The following CNTRL variants were observed in gnomAD, a reference collection of about 807,000 sequenced individuals.
CNTRL encodes centriolin.
Under a neutral mutation model 303.7 loss-of-function variants are expected in CNTRL, and 233 were observed. The observed-to-expected ratio is 0.77, with a 90% CI of 0.69 to 0.86. The LOEUF (loss-of-function observed/expected upper bound fraction) is 0.86. Ranked by LOEUF, CNTRL falls within the 40% of genes least tolerant of loss-of-function variation. The pLI is 0.00. For synonymous variants in CNTRL, 900 were observed against 922.2 expected, an observed-to-expected ratio of 0.98 and a Z score of 0.44; for missense variants, 2,524 against 2,650.6, an observed-to-expected ratio of 0.95 and a Z score of 1.05.
chr9:121,158,001 A>G lies in CNTRL; in HGVS notation c.4656A>G (p.Lys1552=). The part of the protein sequence containing the change: ...KLTEELQKLQ[K]DIEMAERNED... ...TTTGTAGGCTTCAGAAACTACAGAA[A>G]GACATAGAGATGGCAGAACGCAATG... Residue 1552 remains lysine (K), a synonymous_variant, in exon 30 of 44, where the codon AAA becomes AAG. Transcript: ENST00000373855. The G allele has an allele frequency of 6.2e-7, 1 of 1,614,154 alleles. No homozygotes were observed. Among genetic ancestry groups the G allele is most frequent in the South Asian group, 1.1e-5 (1 of 91,076 alleles).
chr9:121,176,047 T>C (rs1010423125), intron 43 of CNTRL, among the ~76,000 whole-genome samples: 2 of 152,262 alleles, frequency 1.3e-5, no homozygotes, highest in Non-Finnish European at 2.9e-5. Flanking sequence ...ATGGAACTGG[T>C]AAGTAGTAGC....
At chr9:121,115,006 A>G in intron 10 of CNTRL, 85 bp from the exon 11 acceptor site, 1 of 814,606 alleles carries the variant, frequency 1.2e-6, no homozygotes, top group South Asian at 1.8e-5. Flanking sequence ...GAAGGTTATT[A>G]CAAAGAAAGA....
intron 29 of CNTRL, 49 bp from the exon 30 acceptor site, chr9:121,157,934 G>C: frequency 6.2e-7 from 1 of 1,613,744 alleles, no homozygotes; most frequent in Admixed American, 1.7e-5. Context: ...GACAGCTCTG[G>C]GGTTCCGAGT....
Position 121,164,998 on chromosome 9 carries a change from T to C in CNTRL, c.5479T>C (p.Leu1827=), listed in dbSNP as rs1474183179. ...AATGGAGCAATCAAACTTAGAAAAG[T>C]TGGAATTGAATGTCAGAAAACTGCA... ...SKMEQSNLEK[L]ELNVRKLQQE... is the part of the protein sequence containing the mutation. Residue 1827 remains leucine (L), a synonymous_variant, in exon 35 of 44, where the codon TTG becomes CTG. Transcript: ENST00000373855. The C allele has an allele frequency of 1.9e-6, 3 of 1,612,274 alleles. No individual in the cohort carries two copies. The highest frequency in any genetic ancestry group is 2.5e-6 in the Non-Finnish European group (3 of 1,179,480).
intron 17 of CNTRL, among the ~76,000 whole-genome samples, 182 bp downstream of exon 17, chr9:121,140,968 C>T (rs141216274): frequency 2.6e-5 from 4 of 152,210 alleles, no homozygotes; most frequent in African/African-American, 9.6e-5. Context: ...TTGTCTGCCA[C>T]TGATTGTTTT....
rs138164855 is a variant in CNTRL, at chr9:121,129,275, A to G, written c.2025+3339A>G. 1.5e-3 allele frequency among the ~76,000 whole-genome samples: 231 copies of G among 152,312 alleles called. 1 individual carries two copies. Among genetic ancestry groups the G allele is most frequent in the Non-Finnish European group, 2.7e-3 (186 of 68,030 alleles). On this transcript the variant is annotated intron_variant, in intron 14 of 43. Coordinates refer to ENST00000373855, the MANE Select transcript of CNTRL (RefSeq NM_007018.6). ...GTATTGATTCTTCCTACCCATGAGC[A>G]TGGAATGTTCTTCCATTTGTTTGTG...
intron 4 of CNTRL, among the ~76,000 whole-genome samples, chr9:121,090,645 C>A (rs997199611): frequency 2.7e-4 from 41 of 152,210 alleles, no homozygotes; most frequent in African/African-American, 9.9e-4. Context: ...CAGGCCAGAT[C>A]AGGCCAGCTA....
intron 7 of CNTRL, among the ~76,000 whole-genome samples, chr9:121,099,597 TAAC>T (rs2049047460): frequency 6.6e-6 from 1 of 152,030 alleles, no homozygotes. Flanking sequence ...AGATCGGTAA[TAAC>T]AAACTTCTCC....
chr9:121,175,748 T>G (rs771639222), intron 43 of CNTRL, among the ~76,000 whole-genome samples: 2 of 152,224 alleles, frequency 1.3e-5, no homozygotes, highest in Non-Finnish European at 1.5e-5. Context: ...GGAAACAGAC[T>G]ACGACTGCAG....
intron 16 of CNTRL, among the ~76,000 whole-genome samples, chr9:121,139,626 A>G (rs1026819766): frequency 6.6e-6 from 1 of 152,200 alleles, no homozygotes; most frequent in African/African-American, 2.4e-5. Context: ...GTGTGTGTGT[A>G]TGTTGGGTCT....
At chr9:121,161,261 GC>G (rs1202018988) in intron 32 of CNTRL, 1 of 444,718 alleles carries the variant, frequency 2.2e-6, no homozygotes, top group Admixed American at 4.3e-5. Flanking sequence ...TTTCTCTTAT[GC>G]TTTTTTTTTG....
intron 27 of CNTRL, among the ~76,000 whole-genome samples, chr9:121,155,819 T>C (rs1408465798): frequency 6.6e-6 from 1 of 152,202 alleles, no homozygotes; most frequent in African/African-American, 2.4e-5. Context: ...CAGAGTCACA[T>C]AGCCAAGGGC....
rs1310301245 is a variant in CNTRL at position 121,173,260 on chromosome 9, T to C, written c.6435T>C (p.Asp2145=). 1 of 1,610,212 alleles carries C rather than the reference T, an allele frequency of 6.2e-7. No individual in the cohort carries two copies. Among genetic ancestry groups the C allele is most frequent in the Non-Finnish European group, 8.5e-7 (1 of 1,177,972 alleles). ...ELKKQMANQK[D]LERRQMEISD... ...CTGTTTAGATGGCAAACCAAAAAGA[T>C]TTGGAGAGAAGACAAATGGAAATCA... The change falls in exon 41 of 44, where the codon GAT becomes GAC. Residue 2145 remains aspartate (D), a synonymous_variant. Transcript: ENST00000373855.
chr9:121,127,818 C>T (rs1223560115), intron 14 of CNTRL, among the ~76,000 whole-genome samples: 4 of 130,208 alleles, frequency 3.1e-5, no homozygotes, highest in Admixed American at 1.6e-4. Context: ...CGACAGGCCC[C>T]GGTGTGTGAT....
chr9:121,157,461 C>A lies in CNTRL; in HGVS notation c.4366-9C>A, dbSNP rs191183253. 1 of 1,612,020 alleles carries A rather than the reference C, an allele frequency of 6.2e-7. No homozygotes were observed. Among genetic ancestry groups the A allele is most frequent in the African/African-American group, 1.3e-5 (1 of 74,806 alleles). On this transcript the variant is annotated splice_polypyrimidine_tract_variant and intron_variant, in intron 27 of 43. Coordinates refer to ENST00000373855, the MANE Select transcript of CNTRL (RefSeq NM_007018.6). Reference sequence around the variant, plus strand: ...ACTGAATGGCTTTTAATGACAGTTTCTTTTCTAGACAAAAAATGCTGTTGA... The same window carrying A: ...ACTGAATGGCTTTTAATGACAGTTTATTTTCTAGACAAAAAATGCTGTTGA...
chr9:121,156,604 T>C (rs1199748238), intron 27 of CNTRL, among the ~76,000 whole-genome samples: 1 of 152,218 alleles, frequency 6.6e-6, no homozygotes, highest in Non-Finnish European at 1.5e-5. Context: ...TACGGACTCC[T>C]CTGGCTTTAG....
At chr9:121,170,132 TGAA>T (rs1008447841) in intron 39 of CNTRL, among the ~76,000 whole-genome samples, 9 of 152,162 alleles carry the variant, frequency 5.9e-5, no homozygotes, top group Admixed American at 1.3e-4. Flanking sequence ...GAGGGGGTGT[TGAA>T]GAAGCCTTCT....
intron 14 of CNTRL, among the ~76,000 whole-genome samples, chr9:121,133,045 G>C (rs1207318433): frequency 6.6e-6 from 1 of 152,168 alleles, no homozygotes; most frequent in Non-Finnish European, 1.5e-5. Context: ...TGTATGATGT[G>C]TCAGTTGGCC....
intron 4 of CNTRL, among the ~76,000 whole-genome samples, chr9:121,091,924 T>TAAAAGA (rs2048592388): frequency 6.9e-6 from 1 of 144,578 alleles, no homozygotes; most frequent in African/African-American, 2.6e-5. Flanking sequence ...GGTCTCACTC[T>TAAAAGA]GTCATCTAGG....
Sources: allele counts gnomAD v4.1 joint callset (sites outside exome capture counted in the v4.1 genomes callset), GRCh38; gene constraint gnomAD v4.1.1; transcripts MANE v1.5; gene names NCBI Gene and HGNC (gene_info 2026-07-23, HGNC 2026-07-21).